Variants in LITAF observed in about 807,000 individuals in gnomAD.
LITAF encodes the protein lipopolysaccharide induced TNF factor, also known as lipopolysaccharide-induced tumor necrosis factor-alpha factor.
In LITAF, 9 loss-of-function variants were observed where a neutral mutation model predicts 14.5. That is an observed-to-expected ratio of 0.62 (90% CI 0.37 to 1.08). The LOEUF (loss-of-function observed/expected upper bound fraction) is 1.08. Among genes scored for constraint, LITAF ranks in the 50% least tolerant of loss-of-function variants. The probability of loss-of-function intolerance (pLI) is 0.01; values close to 1 mark genes in which losing one functional copy is unlikely to be tolerated. For synonymous variants in LITAF, 98 were observed against 88.2 expected, an observed-to-expected ratio of 1.11 and a Z score of -0.62; for missense variants, 206 against 213.4, an observed-to-expected ratio of 0.97 and a Z score of 0.22.
intron 1 of LITAF, among the ~76,000 whole-genome samples, chr16:11,564,201 C>T (rs187790158): frequency 2.0e-5 from 3 of 152,202 alleles, no homozygotes; most frequent in Admixed American, 1.3e-4. Flanking sequence ...TGAGCCACCG[C>T]GCCCGGCCTC....
At chr16:11,581,682 G>A (rs1217635397) in intron 1 of LITAF, among the ~76,000 whole-genome samples, 1 of 151,964 alleles carries the variant, frequency 6.6e-6, no homozygotes, top group Non-Finnish European at 1.5e-5. Flanking sequence ...GGGGGGTAAA[G>A]GAGAGTTTCT....
At position 11,596,946 on chromosome 16, in the gene LITAF, C is replaced by A. The variant is rs2064893060; in HGVS notation, c.-6+1442G>T. Among the ~76,000 whole-genome samples, 3 of 152,210 alleles carry A rather than the reference C, an allele frequency of 2.0e-5. No homozygotes were observed. The South Asian group carries it at 6.2e-4, about 32-fold the overall frequency. ...CCACCATCTCATTTTCTCCTTACAA[C>A]AATCCAGCTGTTTTACAGATTAGGC... On this transcript the variant is annotated intron_variant, in intron 1 of 3. Coordinates refer to the LITAF transcript ENST00000571627.
At chr16:11,561,605 A>G (rs1293524083) in intron 1 of LITAF, 1 of 151,858 alleles carries the variant, frequency 6.6e-6, no homozygotes, top group East Asian at 1.9e-4. Flanking sequence ...AGGCCAGAAT[A>G]GTAAAAAAGA....
chr16:11,599,139 G>A (rs2064912311), upstream of LITAF, among the ~76,000 whole-genome samples: 1 of 149,676 alleles, frequency 6.7e-6, no homozygotes, highest in Non-Finnish European at 1.5e-5. Flanking sequence ...GGGGTGGGGG[G>A]ACAGAGTCTC....
intron 2 of LITAF, 79 bp downstream of exon 2, chr16:11,556,432 G>T: frequency 7.8e-7 from 1 of 1,282,354 alleles, no homozygotes; most frequent in Non-Finnish European, 1.1e-6. Context: ...CTCTTTGGCA[G>T]AGTCACTTCG....
rs911544063 is a variant in LITAF, at chr16:11,605,486, G to A, written c.85+28047C>T. ...TCCCAGCCCCGTGTCTCTCTTTACA[G>A]CCCAGAGCCGCACAGGAGGGAGACT... On this transcript the variant is annotated intron_variant, in intron 3 of 3. Transcript: ENST00000574848. The surrounding 1 kb of genome is among the most constrained non-coding windows in gnomAD (Gnocchi z 4.7). Among the ~76,000 whole-genome samples the A allele has an allele frequency of 1.3e-5, 2 of 152,086 alleles. No homozygotes were observed. Among genetic ancestry groups the A allele is most frequent in the African/African-American group, 4.8e-5 (2 of 41,412 alleles).
At chr16:11,594,133 C>G (rs1268459883) in intron 1 of LITAF, among the ~76,000 whole-genome samples, 1 of 151,748 alleles carries the variant, frequency 6.6e-6, no homozygotes, top group African/African-American at 2.4e-5. Flanking sequence ...TTGCAGTGAG[C>G]CGAGATGGCG....
At chr16:11,579,749 T>C (rs1274301531) in intron 1 of LITAF, among the ~76,000 whole-genome samples, 1 of 152,190 alleles carries the variant, frequency 6.6e-6, no homozygotes, top group African/African-American at 2.4e-5. Flanking sequence ...TTCACAACTT[T>C]CTTGCAAATC....
At chr16:11,596,517 G>A (rs2141857827) in intron 1 of LITAF, among the ~76,000 whole-genome samples, 3 of 72,476 alleles carry the variant, frequency 4.1e-5, no homozygotes, top group African/African-American at 6.5e-5. Flanking sequence ...GAGGAGGAAA[G>A]GAGAAGAAGG....
At position 11,612,504 on chromosome 16, in the gene LITAF, G is replaced by C. The variant is rs150089445; in HGVS notation, c.85+21029C>G. 3.0e-3 allele frequency among the ~76,000 whole-genome samples: 461 copies of C among 152,366 alleles called. 4 individuals are homozygous for C. Among genetic ancestry groups the C allele is most frequent in the Non-Finnish European group, 3.6e-3 (243 of 68,032 alleles). On this transcript the variant is annotated intron_variant, in intron 3 of 3. Transcript: ENST00000574848. Reference sequence around the variant, plus strand: ...TCTGTGGGAACGGCTGTCTGACCTCGTGTGGGTCACCTGCGGTTAGAGCAA... The same window carrying C: ...TCTGTGGGAACGGCTGTCTGACCTCCTGTGGGTCACCTGCGGTTAGAGCAA...
rs189667313 is a variant in LITAF, at chr16:11,580,793, T to C, written c.-6+6093A>G. Reference sequence around the variant, plus strand: ...TTTTCTTTTTTATTTTGAGACAGGGTCTTGTCTGTCACTCAGGCGGGAGTG... The same window carrying C: ...TTTTCTTTTTTATTTTGAGACAGGGCCTTGTCTGTCACTCAGGCGGGAGTG... On this transcript the variant is annotated intron_variant, in intron 1 of 3. Transcript: ENST00000622633. Among the ~76,000 whole-genome samples the C allele has an allele frequency of 4.9e-3, 724 of 147,232 alleles. 5 individuals are homozygous for C. The highest frequency in any genetic ancestry group is 0.017 in the African/African-American group (693 of 40,282).
upstream of LITAF, among the ~76,000 whole-genome samples, chr16:11,636,874 CTT>C (rs58560112): frequency 6.2e-5 from 9 of 144,396 alleles, no homozygotes; most frequent in East Asian, 2.0e-4. Context: ...ATTTATTTTT[CTT>C]TTTTTTTTTT....
chr16:11,620,983 C>G (rs1467662938), intron 3 of LITAF, among the ~76,000 whole-genome samples: 1 of 152,160 alleles, frequency 6.6e-6, no homozygotes, highest in African/African-American at 2.4e-5. Flanking sequence ...GCAGCCTCAA[C>G]TTTCTGGGCT....
intron 3 of LITAF, among the ~76,000 whole-genome samples, chr16:11,611,610 T>C (rs1411043552): frequency 1.3e-5 from 2 of 152,068 alleles, no homozygotes; most frequent in African/African-American, 2.4e-5. Flanking sequence ...TGGGAGCAAA[T>C]TTCCTCCAAG....
intron 3 of LITAF, among the ~76,000 whole-genome samples, chr16:11,620,439 C>G (rs537522693): frequency 3.5e-4 from 53 of 152,274 alleles, no homozygotes; most frequent in Middle Eastern, 3.4e-3. Flanking sequence ...TGACTATAAG[C>G]TTCCTGAGGC....
chr16:11,607,266 T>C (rs1038176061), intron 3 of LITAF, among the ~76,000 whole-genome samples: 9 of 152,212 alleles, frequency 5.9e-5, no homozygotes, highest in African/African-American at 2.2e-4. Flanking sequence ...GAGGATGCAA[T>C]GTGATACTCA....
chr16:11,626,822 G>A (rs924591193), intron 3 of LITAF, among the ~76,000 whole-genome samples: 2 of 152,066 alleles, frequency 1.3e-5, no homozygotes, highest in Non-Finnish European at 2.9e-5. Flanking sequence ...TATTTAATGT[G>A]CTACTGGTGA....
intron 1 of LITAF, among the ~76,000 whole-genome samples, chr16:11,562,544 T>C (rs939659027): frequency 6.6e-6 from 1 of 152,128 alleles, no homozygotes; most frequent in African/African-American, 2.4e-5. Flanking sequence ...TTGGGATATC[T>C]TGGGGTCCCT....
At chr16:11,602,508 C>G (rs1326115188), upstream of LITAF, among the ~76,000 whole-genome samples, 3 of 152,120 alleles carry the variant, frequency 2.0e-5, no homozygotes, top group Admixed American at 6.6e-5. Context: ...CAGCTGGCCT[C>G]GTGTGTCACT....
Sources: allele counts gnomAD v4.1 joint callset (sites outside exome capture counted in the v4.1 genomes callset), GRCh38; gene constraint gnomAD v4.1.1; non-coding constraint Gnocchi (gnomAD v3.1); transcripts MANE v1.5; gene names NCBI Gene and HGNC (gene_info 2026-07-23, HGNC 2026-07-21).